Variants in ANO7 observed in about 807,000 individuals in gnomAD.
ANO7 encodes the protein anoctamin-7.
Under a neutral mutation model 115.8 loss-of-function variants are expected in ANO7, and 114 were observed. That is an observed-to-expected ratio of 0.98 (90% CI 0.85 to 1.15). The LOEUF is 1.15. ANO7 is among the 50% of genes most tolerant of loss of function. ANO7 has a pLI of 0.00. For synonymous variants in ANO7, 550 were observed against 498.2 expected (o/e 1.10, Z -1.38); for missense variants, 1,302 against 1,201.2 (o/e 1.08, Z -1.24).
chr2:241,232,909 G>A, the ANO7 span, among the ~76,000 whole-genome samples: 1 of 152,112 alleles, frequency 6.6e-6, no homozygotes, highest in Admixed American at 6.5e-5. Flanking sequence ...GAGGCAGGGT[G>A]CAGGAGGGCC....
the ANO7 span, among the ~76,000 whole-genome samples, chr2:241,237,486 G>C: frequency 1.3e-5 from 2 of 152,214 alleles, no homozygotes; most frequent in South Asian, 2.1e-4. Context: ...AAATAAATGA[G>C]CAGGAGACCA....
At chr2:241,239,728 T>C in the ANO7 span, 1 of 1,614,212 alleles carries the variant, frequency 6.2e-7, no homozygotes, top group African/African-American at 1.3e-5. The surrounding 1 kb of genome is among the most constrained non-coding windows in gnomAD (Gnocchi z 4.6). Context: ...CGCCATACTC[T>C]TCAGCAATCT....
At chr2:241,210,247 G>T (rs2068688342) in intron 13 of ANO7, 48 bp from the exon 14 acceptor site, 1 of 1,588,342 alleles carries the variant, frequency 6.3e-7, no homozygotes. Flanking sequence ...GGGTGCTGGG[G>T]TGCCCAAGAC....
intron 21 of ANO7, 101 bp from the exon 22 acceptor site, chr2:241,223,085 A>C (rs1031714871): frequency 1.9e-5 from 20 of 1,034,832 alleles, no homozygotes; most frequent in East Asian, 4.8e-5. Context: ...GGGATGAGAG[A>C]GCGAAATGGT....
chr2:241,231,237 A>C, the ANO7 span: 5 of 290,026 alleles, frequency 1.7e-5, no homozygotes, highest in Non-Finnish European at 3.3e-5. Context: ...ATACAATATT[A>C]GCCGGGCGTG....
chr2:241,207,495 C>T lies in ANO7; in HGVS notation c.981-79C>T, dbSNP rs368380779. On this transcript the variant is annotated intron_variant, in intron 10 of 24. Transcript: ENST00000674324. ...CAGAGAGGACAAGGGAGAGAGAGGA[C>T]AAGGGAGGCGCCTGGCTGGGAGGAG... is the stretch of plus-strand genomic sequence containing the variant. The T allele has an allele frequency of 1.0e-4, 121 of 1,177,514 alleles. No individual in the cohort carries two copies. The African/African-American group carries it at 1.2e-3, about 12-fold the overall frequency. 72.9% of individuals were successfully genotyped at this position (1,177,514 alleles called of 1,614,324 possible). A position where few individuals can be genotyped will look rare whatever the true frequency, so the allele number is the denominator to read the frequency against.
At position 241,214,816 on chromosome 2, in the gene ANO7, A is replaced by G. The variant is rs2068789098; in HGVS notation, c.1740A>G (p.Gly580=). The change falls in exon 18 of 25, where the codon GGA becomes GGG. Residue 580 remains glycine, a synonymous_variant. Transcript: ENST00000674324. The stretch of plus-strand genomic sequence containing the variant: ...CCCTGCTGCCGTAGTGCGCGGCTGG[A>G]GGCTGCCTGATCGAGCTGGCACAGG... ...FGVRNEECAA[G]GCLIELAQEL... is the part of the protein sequence containing the mutation. 1.7e-5 allele frequency: 27 copies of G among 1,611,866 alleles called. 1 individual carries two copies. The East Asian group carries it at 6.0e-4, about 36-fold the overall frequency.
intron 22 of ANO7, 23 bp downstream of exon 22, chr2:241,223,299 CT>C (rs1475247259): frequency 4.3e-6 from 7 of 1,613,598 alleles, no homozygotes; most frequent in Non-Finnish European, 5.9e-6. Context: ...CCTGCTGGTT[CT>C]CCCATCCATG....
At chr2:241,198,377 A>T (rs886112360) in intron 4 of ANO7, among the ~76,000 whole-genome samples, 2 of 152,190 alleles carry the variant, frequency 1.3e-5, no homozygotes, top group African/African-American at 4.8e-5. Context: ...TGGAGGTGAA[A>T]GACACCTGCT....
At chr2:241,200,884 C>T (rs941106560) in intron 6 of ANO7, among the ~76,000 whole-genome samples, 9 of 152,210 alleles carry the variant, frequency 5.9e-5, no homozygotes, top group African/African-American at 1.2e-4. Context: ...AGTCACTGTC[C>T]GCACTGCCCA....
In ANO7 at chr2:241,200,211, G is replaced by A; in HGVS notation, c.540G>A (p.Val180=). Residue 180 remains valine (V), a synonymous_variant, in exon 6 of 25, where the codon GTG becomes GTA. Transcript: ENST00000674324. The part of the protein sequence containing the change: ...PPEYYSCRFR[V]NKLPRFLGSD... ...AGTACTACTCCTGCCGGTTCAGAGT[G>A]AACAAGCTGCCACGGTAAGGCAGGG... The A allele has an allele frequency of 6.2e-7, 1 of 1,612,798 alleles. No homozygotes were observed. Among genetic ancestry groups the A allele is most frequent in the Non-Finnish European group, 8.5e-7 (1 of 1,179,780 alleles).
Position 241,209,416 on chromosome 2 carries a change from C to T in ANO7, c.1209C>T (p.Tyr403=), listed in dbSNP as rs144596371. 1.9e-5 allele frequency: 30 copies of T among 1,590,082 alleles called. No individual in the cohort carries two copies. Among genetic ancestry groups the T allele is most frequent in the African/African-American group, 1.8e-4 (13 of 74,222 alleles). ...CCTACCGCTGGGACTGCTCTGACTACGAGGACACTGAGGTGAGCCACCCCC... is the reference window on the plus strand; with the variant it reads ...CCTACCGCTGGGACTGCTCTGACTATGAGGACACTGAGGTGAGCCACCCCC... ...TLAYRWDCSD[Y]EDTEERPRPQ... Residue 403 remains tyrosine (Y), a synonymous_variant, in exon 12 of 25, where the codon TAC becomes TAT. Transcript: ENST00000674324.
the ANO7 span, among the ~76,000 whole-genome samples, chr2:241,238,130 C>T: frequency 6.6e-6 from 1 of 152,238 alleles, no homozygotes; most frequent in African/African-American, 2.4e-5. This position sits in a 1 kb window ranked among gnomAD's most constrained non-coding sequence, Gnocchi z 4.9. Context: ...CCGCATCCCA[C>T]AGGTCGCCTC....
At chr2:241,211,979 G>A in intron 15 of ANO7, 115 bp from the exon 16 acceptor site, 1 of 697,986 alleles carries the variant, frequency 1.4e-6, no homozygotes, top group Non-Finnish European at 2.5e-6. Context: ...TTAAATATCT[G>A]GATGATATGG....
rs1441116167 is a variant in ANO7, at chr2:241,224,615, T to C, written c.*462T>C. ...TGGACCCACCCGCCCCTTCCTGCCCTGTTTGCGCAGGGACATCACCCACAT... is the reference window on the plus strand; with the variant it reads ...TGGACCCACCCGCCCCTTCCTGCCCCGTTTGCGCAGGGACATCACCCACAT... On this transcript the variant is annotated 3_prime_UTR_variant, in exon 25 of 25. Transcript: ENST00000674324. 2.4e-5 allele frequency: 4 copies of C among 166,452 alleles called. No homozygotes were observed. The East Asian group carries it at 5.2e-4, about 22-fold the overall frequency. The allele number at this position is 166,452 out of a possible 1,614,324, so 10.3% of individuals were successfully genotyped here.
At chr2:241,195,984 G>T in intron 4 of ANO7, 139 bp downstream of exon 4, 1 of 1,548,696 alleles carries the variant, frequency 6.5e-7, no homozygotes. Context: ...GGACCCCCCA[G>T]CCACCGTGAG....
intron 3 of ANO7, among the ~76,000 whole-genome samples, chr2:241,193,615 T>C (rs989687870): frequency 2.6e-5 from 4 of 152,106 alleles, no homozygotes; most frequent in African/African-American, 9.7e-5. Flanking sequence ...GTAGAATATA[T>C]TCTATCCTCT....
intron 10 of ANO7, among the ~76,000 whole-genome samples, chr2:241,205,923 TAGGTGGACAGGAGTGCTCCCAGCCTGAC>T (rs2068582549): frequency 1.2e-3 from 14 of 11,480 alleles, no homozygotes; most frequent in Admixed American, 2.2e-3. Flanking sequence ...CAGGCTGACA[TAGGTGGACAGGAGTGCTCCCAGCCTGAC>T]AGGTGGACAG....
rs191757552 is a variant in ANO7, at chr2:241,193,423, C to T, written c.166+2172C>T. Among the ~76,000 whole-genome samples, 66 of 152,206 alleles carry T rather than the reference C, an allele frequency of 4.3e-4. No individual in the cohort carries two copies. In the South Asian group the frequency reaches 5.8e-3, roughly 13 times the overall value. ...CCTTATTTTCTCAAAATCCTCCACA[C>T]GCCCCCTCTGTGTGTGTGAGGCTTA... On this transcript the variant is annotated intron_variant, in intron 3 of 24. Transcript: ENST00000674324.
Sources: allele counts gnomAD v4.1 joint callset (sites outside exome capture counted in the v4.1 genomes callset), GRCh38; gene constraint gnomAD v4.1.1; non-coding constraint Gnocchi (gnomAD v3.1); transcripts MANE v1.5; gene names NCBI Gene and HGNC (gene_info 2026-07-23, HGNC 2026-07-21).